The following AHCTF1 variants were observed in gnomAD, a reference collection of about 807,000 sequenced individuals.
AHCTF1 encodes AT-hook containing transcription factor 1.
Under a neutral mutation model 248.4 loss-of-function variants are expected in AHCTF1, and 24 were observed. That is an observed-to-expected ratio of 0.10 (90% CI 0.07 to 0.14). The LOEUF (loss-of-function observed/expected upper bound fraction) is 0.14, where lower values mean the gene tolerates loss of function less well. Among genes scored for constraint, AHCTF1 ranks in the 10% least tolerant of loss-of-function variants. The probability of loss-of-function intolerance (pLI) is 1.00; values close to 1 mark genes in which losing one functional copy is unlikely to be tolerated. For synonymous variants in AHCTF1, 786 were observed against 929.8 expected (o/e 0.85, Z 2.81); for missense variants, 2,206 against 2,636.2 (o/e 0.84, Z 3.57).
At chr1:246,892,104 T>C (rs917595025) in intron 14 of AHCTF1, among the ~76,000 whole-genome samples, 185 bp from the exon 15 acceptor site, 12 of 152,120 alleles carry the variant, frequency 7.9e-5, no homozygotes, top group African/African-American at 2.7e-4. Context: ...AATATAAAAC[T>C]AGCAAAAGCC....
chr1:246,908,628 C>T (rs1262198349), intron 4 of AHCTF1, among the ~76,000 whole-genome samples: 2 of 151,692 alleles, frequency 1.3e-5, no homozygotes, highest in Non-Finnish European at 2.9e-5. Flanking sequence ...TGGCTCACGC[C>T]TGTAATCTCA....
chr1:246,897,423 T>C (rs533413608), intron 12 of AHCTF1, among the ~76,000 whole-genome samples: 2 of 152,218 alleles, frequency 1.3e-5, no homozygotes, highest in African/African-American at 2.4e-5. Flanking sequence ...CAAAAATGAA[T>C]TGCATTTTTC....
At chr1:246,891,941 A>T in intron 14 of AHCTF1, 22 bp from the exon 15 acceptor site, 1 of 1,570,324 alleles carries the variant, frequency 6.4e-7, no homozygotes, top group South Asian at 1.2e-5. Context: ...AAAAGAAAAG[A>T]TAAGTTTCCA....
chr1:246,850,415 A>G lies in AHCTF1; in HGVS notation c.5591T>C (p.Val1864Ala), dbSNP rs562078405. 4.4e-6 allele frequency: 7 copies of G among 1,598,902 alleles called. No individual in the cohort carries two copies. The African/African-American group carries it at 6.8e-5, about 15-fold the overall frequency. The change falls in exon 33 of 36, where the codon GTT (valine) becomes GCT (alanine). Residue 1864 changes from valine to alanine, a missense_variant. Physicochemically the swap from Val to Ala is moderately conservative, Grantham distance 64. Transcript: ENST00000648844. ...VEETTKKEVK[V>A]SSVTKRTPRR... ...AGGAGTCCTTTTTGTAACAGATGAA[A>G]CCTTAACTTCTTTTTTAGTAGTTTC...
intron 27 of AHCTF1, among the ~76,000 whole-genome samples, chr1:246,863,712 T>C (rs1558225302): frequency 6.6e-6 from 1 of 152,168 alleles, no homozygotes; most frequent in Non-Finnish European, 1.5e-5. Context: ...GAACCCTATA[T>C]TACCTTTAAG....
chr1:246,903,328 A>T (rs1380676229), intron 7 of AHCTF1, among the ~76,000 whole-genome samples: 1 of 152,172 alleles, frequency 6.6e-6, no homozygotes, highest in Non-Finnish European at 1.5e-5. Context: ...CCTATGGCTT[A>T]ATGCTTGATA....
rs183315071 is a variant in AHCTF1 at position 246,902,419 on chromosome 1, T to C, written c.1117+106A>G. 1.8e-5 allele frequency: 24 copies of C among 1,362,884 alleles called. No individual in the cohort carries two copies. In the African/African-American group the frequency reaches 3.5e-4, roughly 20 times the overall value. The allele number at this position is 1,362,884 out of a possible 1,614,324, so 84.4% of individuals were successfully genotyped here. The stretch of plus-strand genomic sequence containing the variant: ...GAACTGAATAAATTCCGTTAATTAC[T>C]ATTCCAATTTTCTGAACTGCCAGGA... On this transcript the variant is annotated intron_variant, in intron 8 of 35. Coordinates refer to ENST00000648844, the MANE Select transcript of AHCTF1 (RefSeq NM_001323342.2).
chr1:246,890,774 G>C (rs1194857024), intron 16 of AHCTF1, among the ~76,000 whole-genome samples, 182 bp downstream of exon 16: 1 of 151,998 alleles, frequency 6.6e-6, no homozygotes, highest in Non-Finnish European at 1.5e-5. Context: ...CTGTGTGTCA[G>C]GCATAGGATG....
intron 18 of AHCTF1, 24 bp downstream of exon 18, chr1:246,888,370 G>T: frequency 6.2e-7 from 1 of 1,612,820 alleles, no homozygotes; most frequent in South Asian, 1.1e-5. Flanking sequence ...GACTCTAAAT[G>T]ATAGCACATT....
chr1:246,867,682 T>C lies in AHCTF1; in HGVS notation c.3218A>G (p.Asn1073Ser). 1 of 1,612,216 alleles carries C rather than the reference T, an allele frequency of 6.2e-7. No individual in the cohort carries two copies. The highest frequency in any genetic ancestry group is 1.7e-5 in the Admixed American group (1 of 59,960). Residue 1073 changes from asparagine (N) to serine (S), a missense_variant, in exon 25 of 36, where the codon AAT (asparagine) becomes AGT (serine). Physicochemically the swap from Asn to Ser is conservative, Grantham distance 46. Around this residue, in one of 6 missense-constraint regions of AHCTF1, gnomAD observed 955 missense variants for 1,055.6 expected, o/e 0.90. Coordinates refer to ENST00000648844, the MANE Select transcript of AHCTF1 (RefSeq NM_001323342.2). ...ATACCTATTGAAAGGTGTGGTGCTA[T>C]TTATAGGTTCTTTGCTTGCCCAAAC... ...GEVWASKEPINSTTPFNSSKI... is the reference protein window; with the variant it reads ...GEVWASKEPISSTTPFNSSKI...
At position 246,907,583 on chromosome 1, in the gene AHCTF1, T is replaced by C; in HGVS notation, c.732A>G (p.Leu244=). The C allele has an allele frequency of 6.2e-7, 1 of 1,613,832 alleles. No individual in the cohort carries two copies. The highest frequency in any genetic ancestry group is 8.5e-7 in the Non-Finnish European group (1 of 1,179,772). ...QLAVGFSDGY[L]ALWNMKSMKR... is the part of the protein sequence containing the mutation. Reference sequence around the variant, plus strand: ...TCATGCTTTTCATGTTCCAAAGTGCTAGATAGCCATCAGAAAAACCTACAG... The same window carrying C: ...TCATGCTTTTCATGTTCCAAAGTGCCAGATAGCCATCAGAAAAACCTACAG... Residue 244 remains leucine (L), a synonymous_variant, in exon 5 of 36, where the codon CTA becomes CTG. Transcript: ENST00000648844.
chr1:246,929,955 G>A, intron 1 of AHCTF1, among the ~76,000 whole-genome samples: 1 of 152,224 alleles, frequency 6.6e-6, no homozygotes, highest in African/African-American at 2.4e-5. Flanking sequence ...AGGAGGCTGA[G>A]GCAGGAGAAT....
chr1:246,845,055 G>C (rs759700229), intron 33 of AHCTF1, among the ~76,000 whole-genome samples: 1 of 152,154 alleles, frequency 6.6e-6, no homozygotes. Flanking sequence ...AGGGTAGGTG[G>C]TAAGTGCTCT....
chr1:246,879,837 G>T (rs917928157), intron 21 of AHCTF1, among the ~76,000 whole-genome samples: 4 of 138,910 alleles, frequency 2.9e-5, no homozygotes, highest in African/African-American at 1.1e-4. Context: ...CCCCAACCCC[G>T]CCAAAAAAAA....
chr1:246,847,616 C>G (rs550744844), intron 33 of AHCTF1, among the ~76,000 whole-genome samples: 3 of 152,260 alleles, frequency 2.0e-5, no homozygotes, highest in African/African-American at 7.2e-5. Context: ...CCTCCTGCCT[C>G]AGCCTCCCAA....
At chr1:246,885,914 C>A (rs1572415976) in intron 20 of AHCTF1, among the ~76,000 whole-genome samples, 1 of 152,126 alleles carries the variant, frequency 6.6e-6, no homozygotes, top group Non-Finnish European at 1.5e-5. Flanking sequence ...AGGCTGGGCA[C>A]GGTGGCTCAC....
At chr1:246,878,396 C>CAA (rs1199465751) in intron 21 of AHCTF1, among the ~76,000 whole-genome samples, 1,755 of 30,726 alleles carry the variant, frequency 0.057, 495 homozygotes, top group East Asian at 0.2. Flanking sequence ...GATTCTGTCT[C>CAA]AAAAAAAAAA....
chr1:246,872,585 A>AACTT (rs1310959158), intron 24 of AHCTF1, among the ~76,000 whole-genome samples: 1 of 152,154 alleles, frequency 6.6e-6, no homozygotes, highest in Admixed American at 6.6e-5. Flanking sequence ...GGTTACACAT[A>AACTT]ACTTAAGAAA....
intron 24 of AHCTF1, among the ~76,000 whole-genome samples, chr1:246,869,886 C>T (rs567100943): frequency 3.9e-5 from 6 of 152,236 alleles, no homozygotes; most frequent in South Asian, 2.1e-4. Flanking sequence ...TTTAGAAATA[C>T]ATTTCATAAA....
Sources: allele counts gnomAD v4.1 joint callset (sites outside exome capture counted in the v4.1 genomes callset), GRCh38; gene constraint gnomAD v4.1.1; regional missense constraint gnomAD v4.1.1; transcripts MANE v1.5; gene names NCBI Gene and HGNC (gene_info 2026-07-23, HGNC 2026-07-21).